The following PRELID2 variants were observed in gnomAD, a reference collection of about 807,000 sequenced individuals.
PRELID2 encodes PRELI domain-containing protein 2.
In PRELID2, 25 loss-of-function variants were observed where a neutral mutation model predicts 28.4. The ratio of observed to expected loss-of-function variants is 0.88; its 90% CI spans 0.64 to 1.23. PRELID2 has a LOEUF of 1.23. PRELID2 is among the 50% of genes most tolerant of loss of function. PRELID2 has a pLI of 0.00. For missense variants in PRELID2, 201 were observed against 214.4 expected, an observed-to-expected ratio of 0.94 and a Z score of 0.39; for synonymous variants, 76 against 71.6, an observed-to-expected ratio of 1.06 and a Z score of -0.31.
intron 1 of PRELID2, among the ~76,000 whole-genome samples, chr5:145,557,359 G>C (rs1009445587): frequency 3.9e-5 from 6 of 152,184 alleles, no homozygotes; most frequent in African/African-American, 1.4e-4. Flanking sequence ...TTGGGACTTT[G>C]TTAGGTTATG....
the PRELID2 span, among the ~76,000 whole-genome samples, chr5:145,259,072 C>T: frequency 6.6e-6 from 1 of 152,164 alleles, no homozygotes; most frequent in African/African-American, 2.4e-5. Context: ...TGGCAGCTTC[C>T]ACGTGGTATT....
chr5:145,803,006 C>A (rs1056026470), intron 4 of PRELID2, among the ~76,000 whole-genome samples: 1 of 152,118 alleles, frequency 6.6e-6, no homozygotes, highest in African/African-American at 2.4e-5. Context: ...TATGGCAAAT[C>A]TTGCCTAATT....
the PRELID2 span, among the ~76,000 whole-genome samples, chr5:145,406,949 G>T: frequency 1.3e-5 from 2 of 152,172 alleles, no homozygotes; most frequent in African/African-American, 2.4e-5. Context: ...ACCCAGGGAA[G>T]CCATTCCTGG....
intron 3 of PRELID2, 90 bp downstream of exon 3, chr5:145,819,855 C>G (rs1011380162): frequency 1.0e-4 from 81 of 809,112 alleles, no homozygotes; most frequent in Non-Finnish European, 1.5e-4. Context: ...GTTTCTAACG[C>G]TCCTTTACAT....
the PRELID2 span, among the ~76,000 whole-genome samples, chr5:145,233,950 C>G: frequency 6.6e-6 from 1 of 152,068 alleles, no homozygotes; most frequent in South Asian, 2.1e-4. Context: ...TAATGTTTAC[C>G]AACCACACTG....
At chr5:145,509,115 A>T (rs1477127738) in intron 1 of PRELID2, among the ~76,000 whole-genome samples, 1 of 152,190 alleles carries the variant, frequency 6.6e-6, no homozygotes, top group Non-Finnish European at 1.5e-5. Flanking sequence ...GGGCTGAAAA[A>T]ATGAAGTGCA....
At position 145,823,095 on chromosome 5, in the gene PRELID2, T is replaced by C. The variant is rs761566160; in HGVS notation, c.115A>G (p.Ile39Val). The C allele has an allele frequency of 1.3e-6, 2 of 1,531,662 alleles. No individual in the cohort carries two copies. The highest frequency in any genetic ancestry group is 2.2e-5 in the South Asian group (2 of 89,200). The allele number at this position is 1,531,662 out of a possible 1,614,324, so 94.9% of individuals were successfully genotyped here. A position where few individuals can be genotyped will look rare whatever the true frequency, so the allele number is the denominator to read the frequency against. ...AACTTACCTCTTTTTTCCTCCATGA[T>C]TTTTACTGAGATGACATTTTTATCC... The part of the protein sequence containing the change: ...PMDKNVISVK[I>V]MEEKRDESTG... Residue 39 changes from isoleucine to valine, a missense_variant, in exon 2 of 7, where the codon ATC becomes GTC. By Grantham distance (29) the Ile-to-Val change is conservative (BLOSUM62 3). Transcript: ENST00000683046.
chr5:145,397,856 C>G, the PRELID2 span, among the ~76,000 whole-genome samples: 276 of 152,248 alleles, frequency 1.8e-3, no homozygotes, highest in African/African-American at 6.4e-3. Context: ...GCAAGGATGT[C>G]TGAGAACCAC....
At chr5:145,641,751 T>C (rs887105683) in intron 1 of PRELID2, among the ~76,000 whole-genome samples, 2 of 152,190 alleles carry the variant, frequency 1.3e-5, no homozygotes, top group Non-Finnish European at 2.9e-5. Flanking sequence ...CACTTATGAG[T>C]GAGAACATGT....
chr5:145,668,900 C>T (rs147184571), intron 1 of PRELID2, among the ~76,000 whole-genome samples: 305 of 152,192 alleles, frequency 2.0e-3, no homozygotes, highest in African/African-American at 6.9e-3. Flanking sequence ...ATAGCTTAAT[C>T]GTCCTGTTAA....
chr5:145,621,018 C>T (rs1159569980), intron 1 of PRELID2, among the ~76,000 whole-genome samples: 1 of 151,856 alleles, frequency 6.6e-6, no homozygotes, highest in Non-Finnish European at 1.5e-5. Flanking sequence ...AACTAACTGC[C>T]AAAAATAAAA....
chr5:145,427,631 T>C, the PRELID2 span, among the ~76,000 whole-genome samples: 88 of 152,326 alleles, frequency 5.8e-4, no homozygotes, highest in Middle Eastern at 6.8e-3. Context: ...GTTGATATAC[T>C]GACAAAAGGA....
intron 1 of PRELID2, among the ~76,000 whole-genome samples, chr5:145,714,567 T>C (rs1271163896): frequency 2.0e-5 from 3 of 152,046 alleles, no homozygotes; most frequent in Admixed American, 6.6e-5. Context: ...CAGGAAATAA[T>C]ATGTGTTAAG....
intron 1 of PRELID2, among the ~76,000 whole-genome samples, chr5:145,744,227 G>A (rs566408883): frequency 1.3e-5 from 2 of 152,354 alleles, no homozygotes; most frequent in African/African-American, 2.4e-5. Context: ...TGCAGACCAG[G>A]AGACTTAGCC....
chr5:145,419,745 T>A, the PRELID2 span, among the ~76,000 whole-genome samples: 2 of 152,132 alleles, frequency 1.3e-5, no homozygotes, highest in Non-Finnish European at 2.9e-5. Context: ...TTAGATCCCA[T>A]TTGTCAATTT....
At chr5:145,686,882 G>A (rs564852997) in intron 1 of PRELID2, among the ~76,000 whole-genome samples, 1 of 152,154 alleles carries the variant, frequency 6.6e-6, no homozygotes. Flanking sequence ...TTTGTTCAAT[G>A]TCCTATAGTT....
the PRELID2 span, among the ~76,000 whole-genome samples, chr5:145,263,438 A>G: frequency 3.2e-3 from 487 of 152,254 alleles, 3 homozygotes; most frequent in African/African-American, 0.011. Context: ...GCTAGGTCAT[A>G]AAACAAGTCT....
intron 1 of PRELID2, among the ~76,000 whole-genome samples, chr5:145,629,118 G>A (rs1447477672): frequency 6.6e-6 from 1 of 152,170 alleles, no homozygotes. Flanking sequence ...AGCTGCACGT[G>A]GCTGTTCAAT....
the PRELID2 span, among the ~76,000 whole-genome samples, chr5:145,260,832 T>C: frequency 1.3e-5 from 2 of 151,954 alleles, no homozygotes; most frequent in Non-Finnish European, 2.9e-5. Flanking sequence ...TTGAAGGAGG[T>C]GGATTGCTGC....
Sources: gnomAD v4.1 joint callset for allele counts (sites outside exome capture counted in the v4.1 genomes callset) on GRCh38, gnomAD v4.1.1 for gene constraint, MANE v1.5 for transcripts, NCBI Gene and HGNC (gene_info 2026-07-23, HGNC 2026-07-21) for gene names.